Variants in LTBP1 observed in about 807,000 individuals in gnomAD.
LTBP1 encodes the protein latent-transforming growth factor beta-binding protein 1.
Under a neutral mutation model 207.6 loss-of-function variants are expected in LTBP1, and 129 were observed. The observed-to-expected ratio is 0.62, with a 90% CI of 0.54 to 0.72. LTBP1 has a LOEUF of 0.72. Among genes scored for constraint, LTBP1 ranks in the 30% least tolerant of loss-of-function variants. The pLI, the probability that LTBP1 is intolerant of heterozygous loss-of-function variation, is 0.00. For missense variants in LTBP1, 2,281 were observed against 2,217.2 expected (o/e 1.03, Z -0.58); for synonymous variants, 963 against 833.7 (o/e 1.16, Z -2.67).
chr2:33,247,684 A>G (rs548853117), intron 10 of LTBP1, among the ~76,000 whole-genome samples: 70 of 152,364 alleles, frequency 4.6e-4, no homozygotes, highest in African/African-American at 1.7e-3. Context: ...ATCTGAGATG[A>G]TGGAAATATT....
intron 31 of LTBP1, 124 bp downstream of exon 31, chr2:33,365,627 G>A (rs1162605895): frequency 1.5e-5 from 5 of 324,204 alleles, no homozygotes; most frequent in Admixed American, 1.3e-4. Context: ...CTTTCATCCC[G>A]TGTGTGTGTG....
At chr2:33,308,389 C>CT (rs2094131406) in intron 22 of LTBP1, among the ~76,000 whole-genome samples, 1 of 152,136 alleles carries the variant, frequency 6.6e-6, no homozygotes, top group Non-Finnish European at 1.5e-5. Context: ...TACCTCAAAC[C>CT]TGTTTGTTAC....
At chr2:33,282,822 T>C (rs569237733) in intron 19 of LTBP1, among the ~76,000 whole-genome samples, 111 of 152,218 alleles carry the variant, frequency 7.3e-4, no homozygotes, top group African/African-American at 2.6e-3. Context: ...CCCAGCACTT[T>C]GGGAGGCCAA....
At chr2:33,273,942 A>G (rs545920653) in intron 16 of LTBP1, among the ~76,000 whole-genome samples, 161 bp downstream of exon 16, 1 of 152,200 alleles carries the variant, frequency 6.6e-6, no homozygotes, top group African/African-American at 2.4e-5. Flanking sequence ...AGGTTTGCTA[A>G]ACAACTGGAA....
At chr2:33,166,612 T>C (rs2084938811) in intron 5 of LTBP1, among the ~76,000 whole-genome samples, 1 of 152,192 alleles carries the variant, frequency 6.6e-6, no homozygotes, top group African/African-American at 2.4e-5. Flanking sequence ...ATTAGAAACA[T>C]ACTCATGGGC....
In LTBP1 at chr2:33,274,892, G is replaced by C. The variant is rs1366737356; in HGVS notation, c.2744-73G>C. The C allele has an allele frequency of 2.0e-6, 3 of 1,464,052 alleles. No homozygotes were observed. In the East Asian group the frequency reaches 6.9e-5, roughly 34 times the overall value. The allele number at this position is 1,464,052 out of a possible 1,614,324, so 90.7% of individuals were successfully genotyped here. A position where few individuals can be genotyped will look rare whatever the true frequency, so the allele number is the denominator to read the frequency against. ...GTGGTACCCAGGGAATAGTATGATG[G>C]TATTTTACAGAACAGGGAAACTAAG... On this transcript the variant is annotated intron_variant, in intron 16 of 33. Coordinates refer to ENST00000404816, the MANE Select transcript of LTBP1 (RefSeq NM_206943.4).
intron 5 of LTBP1, among the ~76,000 whole-genome samples, chr2:33,150,502 T>C (rs935813603): frequency 1.3e-5 from 2 of 151,930 alleles, no homozygotes; most frequent in African/African-American, 4.8e-5. Flanking sequence ...CCATCATCAC[T>C]ATCCATATAA....
intron 26 of LTBP1, among the ~76,000 whole-genome samples, chr2:33,354,931 G>A (rs2094838567): frequency 6.6e-6 from 1 of 152,092 alleles, no homozygotes; most frequent in Non-Finnish European, 1.5e-5. Flanking sequence ...TTTGTAGGAC[G>A]AGGTCTCACT....
At chr2:33,145,085 A>G (rs1298603865) in intron 5 of LTBP1, among the ~76,000 whole-genome samples, 1 of 152,192 alleles carries the variant, frequency 6.6e-6, no homozygotes, top group Non-Finnish European at 1.5e-5. Flanking sequence ...TCCATTGCCA[A>G]TTTAATGTGA....
intron 5 of LTBP1, among the ~76,000 whole-genome samples, chr2:33,174,702 A>T (rs2148517237): frequency 6.6e-6 from 1 of 152,340 alleles, no homozygotes; most frequent in East Asian, 1.9e-4. Flanking sequence ...TCGCAAAGTG[A>T]ATCCTAAGCC....
At chr2:33,051,813 T>C (rs1346554259) in intron 3 of LTBP1, among the ~76,000 whole-genome samples, 1 of 152,170 alleles carries the variant, frequency 6.6e-6, no homozygotes, top group East Asian at 1.9e-4. Flanking sequence ...CTCAATCTGC[T>C]AGGCTTACTA....
intron 31 of LTBP1, among the ~76,000 whole-genome samples, chr2:33,372,604 T>C (rs2095082945): frequency 6.6e-6 from 1 of 152,248 alleles, no homozygotes; most frequent in Non-Finnish European, 1.5e-5. Context: ...CCGGGTGTGG[T>C]GGCTCACACC....
chr2:32,982,904 G>A (rs753787450), intron 2 of LTBP1, among the ~76,000 whole-genome samples: 4 of 152,240 alleles, frequency 2.6e-5, no homozygotes, highest in Non-Finnish European at 4.4e-5. Flanking sequence ...TGTTACGGCA[G>A]TGCAGAAGGG....
chr2:32,951,311 A>T (rs1201267740), intron 2 of LTBP1, among the ~76,000 whole-genome samples: 1 of 152,232 alleles, frequency 6.6e-6, no homozygotes, highest in Non-Finnish European at 1.5e-5. Context: ...TAGAAACTTA[A>T]TTCACAGCTC....
At position 33,194,991 on chromosome 2, in the gene LTBP1, C is replaced by T. The variant is rs190306493; in HGVS notation, c.1701+6140C>T. ...AAAGAGAATAGCAAAGCCCGGATGACGGCACATGTGTTTGCAGTTTGGTTT... is the reference window on the plus strand; with the variant it reads ...AAAGAGAATAGCAAAGCCCGGATGATGGCACATGTGTTTGCAGTTTGGTTT... On this transcript the variant is annotated intron_variant, in intron 7 of 33. Coordinates refer to ENST00000404816, the MANE Select transcript of LTBP1 (RefSeq NM_206943.4). Among the ~76,000 whole-genome samples, 9 of 152,278 alleles carry T rather than the reference C, an allele frequency of 5.9e-5. No homozygotes were observed. The South Asian group carries it at 6.2e-4, about 11-fold the overall frequency.
intron 11 of LTBP1, among the ~76,000 whole-genome samples, chr2:33,254,212 A>G (rs2092764059): frequency 6.6e-6 from 1 of 152,120 alleles, no homozygotes; most frequent in Admixed American, 6.5e-5. Context: ...TTTATAATTT[A>G]TAGACACGTT....
chr2:33,350,948 A>G (rs1298989948), intron 26 of LTBP1, among the ~76,000 whole-genome samples: 1 of 152,176 alleles, frequency 6.6e-6, no homozygotes, highest in Non-Finnish European at 1.5e-5. Context: ...TCTTATTCTT[A>G]AAACAGAAGG....
intron 31 of LTBP1, among the ~76,000 whole-genome samples, chr2:33,379,296 G>A (rs977077717): frequency 1.4e-5 from 2 of 142,146 alleles, no homozygotes; most frequent in South Asian, 2.4e-4. Context: ...TGCAAGCTCC[G>A]CCTCCCAGGT....
At chr2:33,176,499 A>G (rs1249732444) in intron 5 of LTBP1, among the ~76,000 whole-genome samples, 1 of 152,102 alleles carries the variant, frequency 6.6e-6, no homozygotes, top group Non-Finnish European at 1.5e-5. Context: ...TGCTGAGATT[A>G]CAGTCGTGAG....
Sources: gnomAD v4.1 joint callset for allele counts (sites outside exome capture counted in the v4.1 genomes callset) on GRCh38, gnomAD v4.1.1 for gene constraint, MANE v1.5 for transcripts, NCBI Gene and HGNC (gene_info 2026-07-23, HGNC 2026-07-21) for gene names.